Variants in HDGFL3 observed in about 807,000 individuals in gnomAD.
HDGFL3 encodes the protein hepatoma-derived growth factor-related protein 3.
In HDGFL3, 6 loss-of-function variants were observed where a neutral mutation model predicts 27.6. That is an observed-to-expected ratio of 0.22 (90% CI 0.12 to 0.43). HDGFL3 has a LOEUF of 0.43. Ranked by LOEUF, HDGFL3 falls within the 20% of genes least tolerant of loss-of-function variation. The probability of loss-of-function intolerance (pLI) is 1.00; values close to 1 mark genes in which losing one functional copy is unlikely to be tolerated. For missense variants in HDGFL3, 207 were observed against 250.1 expected (o/e 0.83, Z 1.16); for synonymous variants, 88 against 88.9 (o/e 0.99, Z 0.05).
At chr15:83,152,176 T>C (rs1430537522) in intron 4 of HDGFL3, among the ~76,000 whole-genome samples, 7 of 152,262 alleles carry the variant, frequency 4.6e-5, no homozygotes, top group Admixed American at 4.6e-4. Flanking sequence ...AAAACTGATT[T>C]TGCCAAGTTA....
intron 1 of HDGFL3, among the ~76,000 whole-genome samples, chr15:83,188,456 T>C (rs1358983518): frequency 1.3e-5 from 2 of 152,140 alleles, no homozygotes; most frequent in Non-Finnish European, 2.9e-5. Context: ...GGTTTCACCA[T>C]TGTTGGCCAG....
chr15:83,187,158 C>CTT (rs201809112), intron 1 of HDGFL3, among the ~76,000 whole-genome samples: 2 of 131,022 alleles, frequency 1.5e-5, no homozygotes, highest in Non-Finnish European at 1.6e-5. Flanking sequence ...CTTGGAAATT[C>CTT]TTTTTTTTTT....
chr15:83,124,677 TC>T (rs779285038), downstream of HDGFL3: 3 of 1,613,902 alleles, frequency 1.9e-6, no homozygotes, highest in Non-Finnish European at 2.5e-6. Context: ...TTTAGGTTAT[TC>T]AAGAAGCCCA....
At chr15:83,169,170 C>T in intron 1 of HDGFL3, 1 of 436,364 alleles carries the variant, frequency 2.3e-6, no homozygotes, top group Non-Finnish European at 4.6e-6. Context: ...ACCAAACAGG[C>T]AAAAACTGGA....
intron 1 of HDGFL3, among the ~76,000 whole-genome samples, chr15:83,196,133 T>C (rs1458271750): frequency 6.6e-6 from 1 of 151,706 alleles, no homozygotes; most frequent in African/African-American, 2.4e-5. Context: ...TTGGAGAGAG[T>C]AGTTGACAAA....
chr15:83,172,794 C>G (rs2037261700), intron 1 of HDGFL3, among the ~76,000 whole-genome samples: 1 of 148,824 alleles, frequency 6.7e-6, no homozygotes, highest in Admixed American at 6.8e-5. Flanking sequence ...GCACTCCAGC[C>G]TGGGTGACAG....
chr15:83,176,311 T>C (rs2037309745), intron 1 of HDGFL3, among the ~76,000 whole-genome samples: 1 of 152,216 alleles, frequency 6.6e-6, no homozygotes, highest in African/African-American at 2.4e-5. Context: ...CTGTTTTTAA[T>C]TGGTTTATAG....
chr15:83,176,690 A>G lies in HDGFL3; in HGVS notation c.85-12615T>C, dbSNP rs182438079. 2.3e-3 allele frequency among the ~76,000 whole-genome samples: 346 copies of G among 152,288 alleles called. 4 individuals carry two copies. Among genetic ancestry groups the G allele is most frequent in the African/African-American group, 8.0e-3 (332 of 41,552 alleles). ...AGAATCAGTGTTTTTAGGAGCCTCC[A>G]GGTCATTTTGATGCATATTTTAAGA... On this transcript the variant is annotated intron_variant, in intron 1 of 5. Transcript: ENST00000299633.
intron 2 of HDGFL3, among the ~76,000 whole-genome samples, chr15:83,162,785 T>C (rs1007874490): frequency 2.0e-5 from 3 of 152,226 alleles, no homozygotes; most frequent in Non-Finnish European, 2.9e-5. Context: ...TAGGCTCTAC[T>C]AACGTTCAAA....
chr15:83,165,023 T>C (rs566139271), intron 1 of HDGFL3, among the ~76,000 whole-genome samples: 2 of 152,228 alleles, frequency 1.3e-5, no homozygotes, highest in South Asian at 4.1e-4. Flanking sequence ...AAGAAGAAAA[T>C]AAACCACAAC....
intron 3 of HDGFL3, among the ~76,000 whole-genome samples, chr15:83,120,238 T>C (rs150898294): frequency 2.9e-4 from 44 of 152,330 alleles, no homozygotes; most frequent in Admixed American, 1.6e-3. Context: ...CATCATGATA[T>C]GCTAGCTTGG....
chr15:83,199,575 C>T (rs2037613501), intron 1 of HDGFL3, among the ~76,000 whole-genome samples: 1 of 152,186 alleles, frequency 6.6e-6, no homozygotes, highest in African/African-American at 2.4e-5. Flanking sequence ...ACACTGACAC[C>T]TCTACTTCTG....
chr15:83,206,835 G>T (rs775989613), intron 1 of HDGFL3, among the ~76,000 whole-genome samples: 15 of 152,246 alleles, frequency 9.9e-5, no homozygotes, highest in Non-Finnish European at 2.2e-4. Context: ...ATGGATGAAT[G>T]ACTGCCAAGA....
Position 83,207,405 on chromosome 15 carries a change from G to A in HDGFL3, c.10C>T (p.Pro4Ser). MAR[P>S]RPREYKAGDL... Reference sequence around the variant, plus strand: ...CCCGCTTTGTACTCGCGGGGCCGCGGACGCGCCATCCCAGCCGCTCCCCTT... The same window carrying A: ...CCCGCTTTGTACTCGCGGGGCCGCGAACGCGCCATCCCAGCCGCTCCCCTT... The change falls in exon 1 of 6, where the codon CCG becomes TCG. Residue 4 changes from proline (P) to serine (S), a missense_variant. Coordinates refer to ENST00000299633, the MANE Select transcript of HDGFL3 (RefSeq NM_016073.4). The surrounding 1 kb of genome is among the most constrained non-coding windows in gnomAD (Gnocchi z 4.8). 1 of 1,346,100 alleles carries A rather than the reference G, an allele frequency of 7.4e-7. No individual in the cohort carries two copies. The highest frequency in any genetic ancestry group is 9.6e-7 in the Non-Finnish European group (1 of 1,044,322). 83.4% of individuals were successfully genotyped at this position (1,346,100 alleles called of 1,614,324 possible).
exon 4 of HDGFL3, chr15:83,112,789 CGT>C: frequency 6.2e-7 from 1 of 1,605,178 alleles, no homozygotes; most frequent in Middle Eastern, 1.7e-4. Flanking sequence ...CTGTTCTGGT[CGT>C]TGCAGTTCCT....
chr15:83,177,785 T>C (rs534467156), intron 1 of HDGFL3, among the ~76,000 whole-genome samples: 1 of 152,352 alleles, frequency 6.6e-6, no homozygotes, highest in East Asian at 1.9e-4. Flanking sequence ...ATGTATATTA[T>C]GCACGTTCAT....
intron 4 of HDGFL3, among the ~76,000 whole-genome samples, chr15:83,156,940 G>A (rs969751812): frequency 6.6e-6 from 1 of 151,988 alleles, no homozygotes; most frequent in Non-Finnish European, 1.5e-5. Flanking sequence ...CTTGTGATCC[G>A]CCTGCCTCAG....
Position 83,191,896 on chromosome 15 carries a change from A to G in HDGFL3, c.84+15435T>C, listed in dbSNP as rs2037514195. 2.0e-5 allele frequency among the ~76,000 whole-genome samples: 3 copies of G among 151,788 alleles called. No homozygotes were observed. In the South Asian group the frequency reaches 6.3e-4, roughly 32 times the overall value. Reference sequence around the variant, plus strand: ...CATTAATAACATTGTAAGGATTTTGAACCATCTGTTAAATGCATCCTATTG... The same window carrying G: ...CATTAATAACATTGTAAGGATTTTGGACCATCTGTTAAATGCATCCTATTG... On this transcript the variant is annotated intron_variant, in intron 1 of 5. Transcript: ENST00000299633.
At chr15:83,169,162 C>CA in intron 1 of HDGFL3, 1 of 433,258 alleles carries the variant, frequency 2.3e-6, no homozygotes, top group Non-Finnish European at 4.6e-6. Flanking sequence ...AATATCATAC[C>CA]AAACAGGCAA....
Sources: gnomAD v4.1 joint callset for allele counts (sites outside exome capture counted in the v4.1 genomes callset) on GRCh38, gnomAD v4.1.1 for gene constraint, Gnocchi (gnomAD v3.1) non-coding constraint, MANE v1.5 for transcripts, NCBI Gene and HGNC (gene_info 2026-07-23, HGNC 2026-07-21) for gene names.